Variants in SPRED2 observed in about 807,000 individuals in gnomAD.
The protein encoded by SPRED2 is sprouty related EVH1 domain containing 2.
In SPRED2, 47 loss-of-function variants were observed where a neutral mutation model predicts 43.0. The observed-to-expected ratio is 1.09, with a 90% CI of 0.87 to 1.40. The LOEUF (loss-of-function observed/expected upper bound fraction) is 1.40, where lower values mean the gene tolerates loss of function less well. Ranked by LOEUF, SPRED2 falls within the 40% of genes most tolerant of loss-of-function variation. SPRED2 has a pLI of 0.00. For missense variants in SPRED2, 561 were observed against 586.4 expected (o/e 0.96, Z 0.45); for synonymous variants, 225 against 225.7 (o/e 1.00, Z 0.03).
At chr2:65,326,015 T>C (rs1473045805) in intron 4 of SPRED2, among the ~76,000 whole-genome samples, 1 of 152,078 alleles carries the variant, frequency 6.6e-6, no homozygotes, top group South Asian at 2.1e-4. Context: ...TAATTTTGAT[T>C]GATTAAGTAG....
intron 1 of SPRED2, among the ~76,000 whole-genome samples, chr2:65,424,563 G>C (rs1310612618): frequency 5.3e-5 from 8 of 151,934 alleles, no homozygotes; most frequent in Non-Finnish European, 1.2e-4. Context: ...GGAGTTCAAG[G>C]CTCCAGTAAG....
intron 1 of SPRED2, among the ~76,000 whole-genome samples, chr2:65,387,638 A>T (rs1293354784): frequency 6.6e-6 from 1 of 152,226 alleles, no homozygotes; most frequent in Non-Finnish European, 1.5e-5. Flanking sequence ...GAGTTTGGTT[A>T]AAACAAATTT....
At chr2:65,393,451 C>A (rs1239937899) in intron 1 of SPRED2, among the ~76,000 whole-genome samples, 1 of 151,850 alleles carries the variant, frequency 6.6e-6, no homozygotes, top group African/African-American at 2.4e-5. Context: ...CCTGCCTCAG[C>A]CTCCCGAGTA....
intron 1 of SPRED2, among the ~76,000 whole-genome samples, chr2:65,389,573 A>C (rs1010911127): frequency 1.7e-4 from 26 of 152,348 alleles, no homozygotes; most frequent in Middle Eastern, 3.4e-3. Context: ...TTTAAAAGCA[A>C]AAACATCACC....
intron 2 of SPRED2, among the ~76,000 whole-genome samples, chr2:65,339,891 C>T (rs1674130858): frequency 6.6e-6 from 1 of 152,008 alleles, no homozygotes; most frequent in African/African-American, 2.4e-5. Context: ...TAAAATATTT[C>T]TCCCCTTACT....
intron 1 of SPRED2, among the ~76,000 whole-genome samples, chr2:65,360,168 C>A (rs1674772392): frequency 6.6e-6 from 1 of 150,410 alleles, no homozygotes; most frequent in African/African-American, 2.4e-5. Flanking sequence ...CTACTGCCAA[C>A]TTCTTCCACC....
In SPRED2 at chr2:65,342,047, T is replaced by G. The variant is rs1237734435; in HGVS notation, c.204+2672A>C. Among the ~76,000 whole-genome samples the G allele has an allele frequency of 2.0e-5, 3 of 151,640 alleles. No individual in the cohort carries two copies. The East Asian group carries it at 5.8e-4, about 29-fold the overall frequency. ...ATGAAGGAGAAAAATAAGGCCCTGA[T>G]AAGTAAATATACAAAGGACATCAAC... On this transcript the variant is annotated intron_variant, in intron 2 of 5. Transcript: ENST00000356388.
chr2:65,424,912 A>AAAACAAAC (rs149016857), intron 1 of SPRED2, among the ~76,000 whole-genome samples: 33 of 152,096 alleles, frequency 2.2e-4, no homozygotes, highest in African/African-American at 8.0e-4. Flanking sequence ...GTCTGTTTCA[A>AAAACAAAC]AAACAAACAA....
chr2:65,322,286 A>ATTTT (rs1558649792), intron 4 of SPRED2, among the ~76,000 whole-genome samples: 3 of 98,370 alleles, frequency 3.0e-5, no homozygotes, highest in African/African-American at 1.4e-4. Flanking sequence ...ATATATATAT[A>ATTTT]TATATATATT....
Position 65,430,245 on chromosome 2 carries a change from T to G in SPRED2, c.26+1717A>C, listed in dbSNP as rs564043753. On this transcript the variant is annotated intron_variant, in intron 1 of 5. Coordinates refer to ENST00000356388, the MANE Select transcript of SPRED2 (RefSeq NM_181784.3). ...TTTTCATTTTACCATTTTAAGATGC[T>G]ATATACGAAGACAAAGCAAAACGTC... Among the ~76,000 whole-genome samples, 3 of 152,308 alleles carry G rather than the reference T, an allele frequency of 2.0e-5. No homozygotes were observed. The East Asian group carries it at 5.8e-4, about 29-fold the overall frequency.
intron 1 of SPRED2, among the ~76,000 whole-genome samples, chr2:65,380,171 G>A (rs765193113): frequency 2.0e-5 from 3 of 152,172 alleles, no homozygotes; most frequent in Non-Finnish European, 2.9e-5. Context: ...GTCACGTTTT[G>A]GACTCTACTC....
At chr2:65,340,015 A>ATC (rs1674133287) in intron 2 of SPRED2, among the ~76,000 whole-genome samples, 2 of 152,376 alleles carry the variant, frequency 1.3e-5, no homozygotes, top group Admixed American at 1.3e-4. Flanking sequence ...CTGGTAAGCC[A>ATC]GATATTAATG....
intron 4 of SPRED2, among the ~76,000 whole-genome samples, chr2:65,326,241 G>A (rs73936452): frequency 0.027 from 4,058 of 151,846 alleles, 177 homozygotes; most frequent in African/African-American, 0.093. Flanking sequence ...TATAATATTC[G>A]TTCCTTTCTT....
chr2:65,313,327 G>T lies in SPRED2; in HGVS notation c.*174C>A. ...CAGTGTGGGCGGCAGGGGGAGTGGA[G>T]AGTCTACCCGGCAGCGTCCCTGGCT... On this transcript the variant is annotated 3_prime_UTR_variant, in exon 6 of 6. Transcript: ENST00000356388. 1 of 1,451,676 alleles carries T rather than the reference G, an allele frequency of 6.9e-7. No homozygotes were observed. Among genetic ancestry groups the T allele is most frequent in the Non-Finnish European group, 9.0e-7 (1 of 1,110,260 alleles). The allele number at this position is 1,451,676 out of a possible 1,614,324, so 89.9% of individuals were successfully genotyped here. A position where few individuals can be genotyped will look rare whatever the true frequency, so the allele number is the denominator to read the frequency against.
intron 1 of SPRED2, among the ~76,000 whole-genome samples, chr2:65,395,149 C>T (rs1016234977): frequency 2.6e-5 from 4 of 152,114 alleles, no homozygotes; most frequent in African/African-American, 7.2e-5. Flanking sequence ...CACTGGGCCT[C>T]GGATCTAAGT....
At chr2:65,394,623 C>T (rs35162271) in intron 1 of SPRED2, among the ~76,000 whole-genome samples, 16,706 of 152,192 alleles carry the variant, frequency 0.11, 1,374 homozygotes, top group Non-Finnish European at 0.16. Flanking sequence ...AAACACCCAT[C>T]AGGACAGGGC....
intron 1 of SPRED2, among the ~76,000 whole-genome samples, chr2:65,386,757 C>A (rs1479528598): frequency 6.6e-6 from 1 of 152,206 alleles, no homozygotes; most frequent in Non-Finnish European, 1.5e-5. Flanking sequence ...ATATTCAGAG[C>A]ACTCTGTGTT....
At chr2:65,338,858 C>T (rs1372087373) in intron 2 of SPRED2, among the ~76,000 whole-genome samples, 1 of 151,410 alleles carries the variant, frequency 6.6e-6, no homozygotes, top group Admixed American at 6.6e-5. Flanking sequence ...GTGAGGAGCG[C>T]CTCCTCCCGG....
At chr2:65,401,380 C>T (rs1675883045) in intron 1 of SPRED2, among the ~76,000 whole-genome samples, 1 of 152,174 alleles carries the variant, frequency 6.6e-6, no homozygotes, top group Admixed American at 6.6e-5. Flanking sequence ...AAGAAGACCC[C>T]CCCAGGTGAC....
Sources: gnomAD v4.1 joint callset for allele counts (sites outside exome capture counted in the v4.1 genomes callset) on GRCh38, gnomAD v4.1.1 for gene constraint, MANE v1.5 for transcripts, NCBI Gene and HGNC (gene_info 2026-07-23, HGNC 2026-07-21) for gene names.